The following MROH2B variants were observed in gnomAD, a reference collection of about 807,000 sequenced individuals.
MROH2B encodes the protein maestro heat like repeat family member 2B, also known as maestro heat-like repeat-containing protein family member 2B.
Under a neutral mutation model 208.6 loss-of-function variants are expected in MROH2B, and 177 were observed. That is an observed-to-expected ratio of 0.85 (90% CI 0.75 to 0.96). MROH2B has a LOEUF of 0.96. MROH2B is among the 40% of genes least tolerant of loss of function. The probability of loss-of-function intolerance (pLI) is 0.00; values close to 1 mark genes in which losing one functional copy is unlikely to be tolerated. For missense variants in MROH2B, 2,002 were observed against 1,878.7 expected, an observed-to-expected ratio of 1.07 and a Z score of -1.21; for synonymous variants, 728 against 659.0, an observed-to-expected ratio of 1.10 and a Z score of -1.60.
intron 21 of MROH2B, among the ~76,000 whole-genome samples, chr5:41,038,036 T>A (rs916650952): frequency 6.6e-6 from 1 of 152,182 alleles, no homozygotes. Context: ...TTGGTATGTT[T>A]GAGAAGCATC....
At chr5:41,066,726 T>G (rs1200980294) in intron 3 of MROH2B, among the ~76,000 whole-genome samples, 1 of 152,234 alleles carries the variant, frequency 6.6e-6, no homozygotes, top group East Asian at 1.9e-4. Context: ...ATTTTTTTGC[T>G]ATGTTGTCTA....
chr5:41,019,275 T>C (rs1742064947), intron 24 of MROH2B, among the ~76,000 whole-genome samples: 1 of 152,164 alleles, frequency 6.6e-6, no homozygotes, highest in Non-Finnish European at 1.5e-5. Context: ...TCACTTTGTG[T>C]TCCTTAACAC....
chr5:41,068,114 G>A (rs1200169770), intron 2 of MROH2B, among the ~76,000 whole-genome samples: 7 of 152,176 alleles, frequency 4.6e-5, no homozygotes, highest in Non-Finnish European at 8.8e-5. Flanking sequence ...GATGATGAAA[G>A]AGAGACTGGT....
intron 21 of MROH2B, among the ~76,000 whole-genome samples, chr5:41,034,422 C>T (rs950171562): frequency 2.6e-5 from 4 of 152,060 alleles, no homozygotes; most frequent in Admixed American, 1.3e-4. Flanking sequence ...AACTGAGCCA[C>T]GTAGGAATAC....
intron 17 of MROH2B, 89 bp from the exon 18 acceptor site, chr5:41,045,942 T>A: frequency 1.2e-6 from 1 of 817,490 alleles, no homozygotes; most frequent in Non-Finnish European, 1.9e-6. Flanking sequence ...TTTAAAAGTT[T>A]AAATATATTT....
chr5:41,005,543 A>G lies in MROH2B; in HGVS notation c.3852T>C (p.Ala1284=). Residue 1284 remains alanine, a synonymous_variant, in exon 35 of 42, where the codon GCT becomes GCC. Transcript: ENST00000399564. ...TGTTCTCCCTTGCCTCAGAGAAGAA[A>G]GCTGCGCCGGTTATCCGGTAGTTCT... ...SSENYRITGA[A]FFSELMKEPI... 1 of 1,602,108 alleles carries G rather than the reference A, an allele frequency of 6.2e-7. No individual in the cohort carries two copies. Among genetic ancestry groups the G allele is most frequent in the Non-Finnish European group, 8.5e-7 (1 of 1,174,260 alleles).
chr5:41,002,559 G>A (rs1419951448), intron 37 of MROH2B, among the ~76,000 whole-genome samples: 2 of 152,138 alleles, frequency 1.3e-5, no homozygotes, highest in African/African-American at 4.8e-5. Flanking sequence ...AAATATTGGG[G>A]CAATAGATCA....
At position 40,998,672 on chromosome 5, in the gene MROH2B, CGGCATCTAAA is replaced by C; in HGVS notation, c.4586-5_4590del. On this transcript the variant is annotated splice_acceptor_variant and splice_polypyrimidine_tract_variant and coding_sequence_variant and intron_variant, in exon 41 of 42. Transcript: ENST00000399564. LOFTEE classifies it high-confidence loss of function. The stretch of plus-strand genomic sequence containing the variant: ...TATTGGCTGGTCAAATTGAGAACAA[CGGCATCTAAA>C]GTTAATAGGAGACCATGTTACTGAT... The C allele has an allele frequency of 6.3e-7, 1 of 1,581,542 alleles. No homozygotes were observed. Among genetic ancestry groups the C allele is most frequent in the Non-Finnish European group, 8.6e-7 (1 of 1,162,584 alleles).
intron 13 of MROH2B, among the ~76,000 whole-genome samples, chr5:41,050,473 A>C (rs534175329): frequency 6.6e-6 from 1 of 152,254 alleles, no homozygotes; most frequent in Non-Finnish European, 1.5e-5. Context: ...CTAACTCAGG[A>C]TGAAGCTAGA....
At chr5:41,018,830 G>A (rs374631371) in intron 25 of MROH2B, 44 bp from the exon 26 acceptor site, 268 of 1,613,484 alleles carry the variant, frequency 1.7e-4, no homozygotes, top group Non-Finnish European at 2.1e-4. Flanking sequence ...TGGGGTGAGA[G>A]AGTAAGGCCC....
intron 4 of MROH2B, 112 bp downstream of exon 4, chr5:41,065,219 G>C (rs1743764152): frequency 9.5e-7 from 1 of 1,052,024 alleles, no homozygotes; most frequent in Non-Finnish European, 1.3e-6. Flanking sequence ...AATATTTCTT[G>C]GTACAGAAGA....
intron 1 of MROH2B, among the ~76,000 whole-genome samples, chr5:41,070,468 T>A (rs186937127): frequency 6.6e-6 from 1 of 152,262 alleles, no homozygotes; most frequent in Admixed American, 6.5e-5. Flanking sequence ...TTTAGGGCAA[T>A]CTTTTTGGCA....
intron 10 of MROH2B, 35 bp from the exon 11 acceptor site, chr5:41,054,875 T>C: frequency 7.0e-7 from 1 of 1,423,454 alleles, no homozygotes; most frequent in Non-Finnish European, 9.9e-7. Context: ...GAGGCCTGAC[T>C]CAATAGAAGT....
At chr5:41,022,573 C>T (rs940958938) in intron 24 of MROH2B, among the ~76,000 whole-genome samples, 6 of 152,326 alleles carry the variant, frequency 3.9e-5, no homozygotes, top group African/African-American at 1.4e-4. Context: ...TGGTGGAGCC[C>T]ACCGCAGCTC....
intron 5 of MROH2B, 110 bp from the exon 6 acceptor site, chr5:41,061,834 A>G (rs1230710838): frequency 3.3e-6 from 4 of 1,212,804 alleles, no homozygotes; most frequent in Non-Finnish European, 4.5e-6. Context: ...AATGGTTTTT[A>G]GATGATCTTA....
chr5:40,999,851 C>A, intron 39 of MROH2B, 72 bp from the exon 40 acceptor site: 1 of 1,377,776 alleles, frequency 7.3e-7, no homozygotes, highest in Non-Finnish European at 1.0e-6. Flanking sequence ...TCCTATAGGT[C>A]CTCAGAACGG....
intron 21 of MROH2B, among the ~76,000 whole-genome samples, chr5:41,035,535 C>T (rs957957721): frequency 2.0e-5 from 3 of 152,042 alleles, no homozygotes; most frequent in African/African-American, 7.2e-5. Flanking sequence ...AACAGACAAC[C>T]TACAGAATGG....
intron 28 of MROH2B, among the ~76,000 whole-genome samples, chr5:41,015,778 T>G (rs1177556178): frequency 7.9e-5 from 12 of 152,156 alleles, no homozygotes; most frequent in Admixed American, 7.9e-4. Flanking sequence ...ACACGGTGAA[T>G]AAAAATAGGA....
In MROH2B at chr5:41,015,396, A is replaced by G; in HGVS notation, c.2967T>C (p.Ser989=). Residue 989 remains serine (S), a synonymous_variant, in exon 29 of 42, where the codon TCT becomes TCC. Transcript: ENST00000399564. ...TATTTATTACCTTAGCTATTTTAGA[A>G]GAAATCTTGATCTGAACCTGCACGT... is the stretch of plus-strand genomic sequence containing the variant. The part of the protein sequence containing the change: ...SDDVQVQIKI[S]SKIAKIVSKF... The G allele has an allele frequency of 6.2e-7, 1 of 1,613,458 alleles. No homozygotes were observed. Among genetic ancestry groups the G allele is most frequent in the Non-Finnish European group, 8.5e-7 (1 of 1,179,614 alleles).
Sources: allele counts gnomAD v4.1 joint callset (sites outside exome capture counted in the v4.1 genomes callset), GRCh38; gene constraint gnomAD v4.1.1; transcripts MANE v1.5; gene names NCBI Gene and HGNC (gene_info 2026-07-23, HGNC 2026-07-21).